Variants in EFNA5 observed in about 807,000 individuals in gnomAD.
EFNA5 encodes the protein ephrin A5, also known as ephrin-A5.
EFNA5 carries 5 observed loss-of-function variants against 22.9 expected under a neutral mutation model. The observed-to-expected ratio is 0.22, with a 90% confidence interval of 0.11 to 0.46. The LOEUF is 0.46. Among genes scored for constraint, EFNA5 ranks in the 20% least tolerant of loss-of-function variants. The probability of loss-of-function intolerance (pLI) is 0.99; values close to 1 mark genes in which losing one functional copy is unlikely to be tolerated. For synonymous variants in EFNA5, 113 were observed against 112.2 expected (o/e 1.01, Z -0.04); for missense variants, 237 against 293.3 (o/e 0.81, Z 1.40).
intron 1 of EFNA5, among the ~76,000 whole-genome samples, chr5:107,626,409 G>C (rs1264266215): frequency 2.0e-5 from 3 of 151,914 alleles, no homozygotes; most frequent in Non-Finnish European, 4.4e-5. Context: ...TAGTAGCTAG[G>C]ACTATAGGTA....
chr5:107,496,164 TAAAAAAA>T (rs35565454), intron 1 of EFNA5, among the ~76,000 whole-genome samples: 57 of 93,190 alleles, frequency 6.1e-4, no homozygotes, highest in East Asian at 1.4e-3. Context: ...CTGTCTCTGC[TAAAAAAA>T]AAAAAAAAAA....
At chr5:107,559,583 T>C (rs1748494851) in intron 1 of EFNA5, among the ~76,000 whole-genome samples, 1 of 152,250 alleles carries the variant, frequency 6.6e-6, no homozygotes, top group African/African-American at 2.4e-5. Flanking sequence ...TACATCTGTT[T>C]ATGTTCATTT....
At chr5:107,542,200 A>G (rs1269642747) in intron 1 of EFNA5, among the ~76,000 whole-genome samples, 1 of 152,204 alleles carries the variant, frequency 6.6e-6, no homozygotes, top group East Asian at 1.9e-4. Flanking sequence ...TAAAGTTCTC[A>G]GGATCATAAT....
intron 1 of EFNA5, among the ~76,000 whole-genome samples, chr5:107,662,957 G>T (rs1420880436): frequency 6.6e-6 from 1 of 151,904 alleles, no homozygotes; most frequent in Non-Finnish European, 1.5e-5. Context: ...ATGGAAACAT[G>T]GTACAGCCCA....
intron 1 of EFNA5, among the ~76,000 whole-genome samples, chr5:107,569,571 A>ATTTATATATATATT (rs1216955310): frequency 9.3e-4 from 24 of 25,842 alleles, no homozygotes; most frequent in South Asian, 1.9e-3. Flanking sequence ...ATATATATAT[A>ATTTATATATATATT]TATATATATA....
At chr5:107,451,037 G>A (rs1183860464) in intron 1 of EFNA5, among the ~76,000 whole-genome samples, 1 of 152,228 alleles carries the variant, frequency 6.6e-6, no homozygotes, top group East Asian at 1.9e-4. Context: ...CTATTCTATA[G>A]CATAAAAGCT....
chr5:107,392,253 C>A (rs1747809599), intron 2 of EFNA5, among the ~76,000 whole-genome samples: 1 of 152,078 alleles, frequency 6.6e-6, no homozygotes, highest in Non-Finnish European at 1.5e-5. Flanking sequence ...GGCGACTGAA[C>A]CTATTAACTT....
chr5:107,457,093 C>T (rs1223368278), intron 1 of EFNA5, among the ~76,000 whole-genome samples: 1 of 152,162 alleles, frequency 6.6e-6, no homozygotes, highest in Non-Finnish European at 1.5e-5. Context: ...TACCAATGAA[C>T]AGCCTCAGTG....
intron 2 of EFNA5, among the ~76,000 whole-genome samples, chr5:107,410,334 T>C (rs1295882875): frequency 6.6e-6 from 1 of 152,210 alleles, no homozygotes; most frequent in Admixed American, 6.5e-5. Context: ...CTAGTCTGTA[T>C]ATGTTGCTCA....
At chr5:107,643,871 T>TTAA (rs148571029) in intron 1 of EFNA5, among the ~76,000 whole-genome samples, 2,591 of 146,242 alleles carry the variant, frequency 0.018, 39 homozygotes, top group South Asian at 0.034. Flanking sequence ...TCTATTTTCT[T>TTAA]TAATAATAAT....
intron 1 of EFNA5, among the ~76,000 whole-genome samples, chr5:107,545,356 T>C (rs1053567831): frequency 2.6e-5 from 4 of 152,228 alleles, no homozygotes; most frequent in African/African-American, 9.6e-5. Flanking sequence ...ATTGGTTTTC[T>C]ACCAATCTGA....
intron 1 of EFNA5, among the ~76,000 whole-genome samples, chr5:107,487,673 CAA>C (rs1746675785): frequency 6.6e-6 from 1 of 152,154 alleles, no homozygotes; most frequent in Non-Finnish European, 1.5e-5. Flanking sequence ...TCATGAGCAG[CAA>C]AATGATAATT....
At chr5:107,659,863 A>G (rs1192453537) in intron 1 of EFNA5, among the ~76,000 whole-genome samples, 1 of 152,080 alleles carries the variant, frequency 6.6e-6, no homozygotes, top group African/African-American at 2.4e-5. Flanking sequence ...CCTTCCTAAC[A>G]AAGAACTGCA....
chr5:107,526,882 T>C (rs1233512142), intron 1 of EFNA5, among the ~76,000 whole-genome samples: 2 of 152,250 alleles, frequency 1.3e-5, no homozygotes, highest in East Asian at 3.9e-4. Context: ...ATTAGAAAAG[T>C]CTACAAGTTA....
intron 1 of EFNA5, among the ~76,000 whole-genome samples, chr5:107,483,622 T>C (rs1005154139): frequency 4.6e-5 from 7 of 152,164 alleles, no homozygotes; most frequent in Admixed American, 4.6e-4. Flanking sequence ...TACAAATTAG[T>C]TGGGTGGTCA....
intron 1 of EFNA5, among the ~76,000 whole-genome samples, chr5:107,641,692 A>C (rs1016036936): frequency 1.3e-5 from 2 of 152,162 alleles, no homozygotes; most frequent in African/African-American, 4.8e-5. Flanking sequence ...TGATGCATTT[A>C]ATTTTTAATT....
At chr5:107,564,849 G>A (rs1187594117) in intron 1 of EFNA5, among the ~76,000 whole-genome samples, 2 of 152,046 alleles carry the variant, frequency 1.3e-5, no homozygotes, top group Non-Finnish European at 2.9e-5. Context: ...AGCTGAATGG[G>A]TTCCATAAAT....
intron 1 of EFNA5, among the ~76,000 whole-genome samples, chr5:107,593,518 C>T (rs968151858): frequency 6.6e-6 from 1 of 152,126 alleles, no homozygotes; most frequent in Admixed American, 6.5e-5. Flanking sequence ...GTTCAAACCT[C>T]GAGAGCAGAG....
At chr5:107,667,959 C>A (rs1206330546) in intron 1 of EFNA5, among the ~76,000 whole-genome samples, 1 of 152,090 alleles carries the variant, frequency 6.6e-6, no homozygotes, top group Non-Finnish European at 1.5e-5. Flanking sequence ...GGCATGTGGC[C>A]TCTTATATCC....
Sources: gnomAD v4.1 joint callset for allele counts (sites outside exome capture counted in the v4.1 genomes callset) on GRCh38, gnomAD v4.1.1 for gene constraint, MANE v1.5 for transcripts, NCBI Gene and HGNC (gene_info 2026-07-23, HGNC 2026-07-21) for gene names.